AGBL4: variants seen among roughly 807,000 people sequenced by gnomAD.
AGBL4 encodes the protein cytosolic carboxypeptidase 6.
AGBL4 carries 58 observed loss-of-function variants against 66.4 expected under a neutral mutation model. That is an observed-to-expected ratio of 0.87 (90% CI 0.71 to 1.09). The LOEUF is 1.09. Ranked by LOEUF, AGBL4 falls within the 50% of genes least tolerant of loss-of-function variation. The probability of loss-of-function intolerance (pLI) is 0.00; values close to 1 mark genes in which losing one functional copy is unlikely to be tolerated. For synonymous variants in AGBL4, 234 were observed against 222.9 expected, an observed-to-expected ratio of 1.05 and a Z score of -0.44; for missense variants, 579 against 631.0, an observed-to-expected ratio of 0.92 and a Z score of 0.88.
intron 3 of AGBL4, among the ~76,000 whole-genome samples, chr1:49,507,704 G>A (rs1249756325): frequency 6.6e-6 from 1 of 151,838 alleles, no homozygotes; most frequent in African/African-American, 2.4e-5. Context: ...CTTAAAAGGA[G>A]TGTCTTATTA....
intron 11 of AGBL4, among the ~76,000 whole-genome samples, chr1:48,578,127 A>G (rs755576574): frequency 1.3e-5 from 2 of 152,182 alleles, no homozygotes; most frequent in Non-Finnish European, 2.9e-5. Context: ...AAACTTAAAG[A>G]TCACATCATT....
At chr1:48,989,869 T>A (rs1009701994) in intron 5 of AGBL4, among the ~76,000 whole-genome samples, 4 of 152,238 alleles carry the variant, frequency 2.6e-5, no homozygotes, top group African/African-American at 9.6e-5. Context: ...GTCTTCGATA[T>A]ACTGATTTCC....
At chr1:49,693,218 T>C (rs955368418) in intron 3 of AGBL4, among the ~76,000 whole-genome samples, 1 of 152,192 alleles carries the variant, frequency 6.6e-6, no homozygotes, top group African/African-American at 2.4e-5. Context: ...TTTAGATATA[T>C]GTGTAAAGAG....
intron 3 of AGBL4, among the ~76,000 whole-genome samples, chr1:49,466,204 T>A (rs1489245735): frequency 1.3e-5 from 2 of 151,922 alleles, no homozygotes; most frequent in Non-Finnish European, 2.9e-5. Flanking sequence ...ATTCAGGACT[T>A]CATCCTTTCC....
intron 2 of AGBL4, among the ~76,000 whole-genome samples, chr1:49,811,507 A>G (rs2147971155): frequency 6.6e-6 from 1 of 152,292 alleles, no homozygotes; most frequent in African/African-American, 2.4e-5. Context: ...TAGAAGACAA[A>G]TTCCCTAAGG....
intron 2 of AGBL4, among the ~76,000 whole-genome samples, chr1:49,770,468 T>C (rs1644023707): frequency 6.6e-6 from 1 of 152,176 alleles, no homozygotes; most frequent in Non-Finnish European, 1.5e-5. Flanking sequence ...ATCAGGAGTA[T>C]TGGCTTGTAG....
intron 1 of AGBL4, among the ~76,000 whole-genome samples, chr1:49,885,360 T>C (rs941048638): frequency 2.0e-5 from 3 of 152,018 alleles, no homozygotes; most frequent in Non-Finnish European, 4.4e-5. Flanking sequence ...AGATAATCTA[T>C]ATGTTTGGAA....
At chr1:49,877,903 T>G (rs1416303462) in intron 1 of AGBL4, among the ~76,000 whole-genome samples, 20 of 152,174 alleles carry the variant, frequency 1.3e-4, no homozygotes, top group Non-Finnish European at 2.4e-4. Context: ...TGTATGTGTC[T>G]ACGAATGTAT....
chr1:49,822,143 T>C (rs902598110), intron 2 of AGBL4, among the ~76,000 whole-genome samples: 2 of 151,916 alleles, frequency 1.3e-5, no homozygotes, highest in Non-Finnish European at 2.9e-5. Context: ...AGAAAAAAAA[T>C]TGGGGGGGTT....
chr1:49,263,083 C>G, intron 3 of AGBL4, among the ~76,000 whole-genome samples: 1 of 151,354 alleles, frequency 6.6e-6, no homozygotes, highest in Non-Finnish European at 1.5e-5. Context: ...CATGTTCTCA[C>G]TCATAGATGG....
At chr1:48,687,710 G>A (rs976705170) in intron 6 of AGBL4, among the ~76,000 whole-genome samples, 5 of 152,174 alleles carry the variant, frequency 3.3e-5, no homozygotes, top group South Asian at 2.1e-4. Context: ...AGGGGCATTC[G>A]TGTGATCTGC....
At chr1:49,853,388 G>C (rs981487067) in intron 1 of AGBL4, among the ~76,000 whole-genome samples, 3 of 152,044 alleles carry the variant, frequency 2.0e-5, no homozygotes, top group South Asian at 2.1e-4. Flanking sequence ...ACTTGGGACA[G>C]CTGAAAAATA....
At chr1:49,659,401 T>A (rs1181212864) in intron 3 of AGBL4, among the ~76,000 whole-genome samples, 11 of 152,152 alleles carry the variant, frequency 7.2e-5, no homozygotes, top group Admixed American at 7.2e-4. Context: ...ATTGGTGTGC[T>A]GTATGCAAGA....
intron 1 of AGBL4, among the ~76,000 whole-genome samples, chr1:49,917,278 G>GA (rs1651638090): frequency 6.6e-6 from 1 of 151,640 alleles, no homozygotes; most frequent in Admixed American, 6.6e-5. Flanking sequence ...CCACTTAAAA[G>GA]ACACAGACTG....
rs1402915991 is a variant in AGBL4, at chr1:48,534,971, A to G, written c.1365-55T>C. ...CTGCCTCTTAGGCTCTAGTAAATGG[A>G]AGTTGAAGAGGTGCTATTCATCTGT... On this transcript the variant is annotated intron_variant, in intron 12 of 13. Coordinates refer to ENST00000371839, the MANE Select transcript of AGBL4 (RefSeq NM_032785.4). The G allele has an allele frequency of 2.0e-6, 3 of 1,488,982 alleles. No individual in the cohort carries two copies. The African/African-American group carries it at 4.2e-5, about 21-fold the overall frequency. The allele number at this position is 1,488,982 out of a possible 1,614,324, so 92.2% of individuals were successfully genotyped here. A position where few individuals can be genotyped will look rare whatever the true frequency, so the allele number is the denominator to read the frequency against.
intron 3 of AGBL4, among the ~76,000 whole-genome samples, chr1:49,542,346 G>T (rs1225453960): frequency 6.6e-6 from 1 of 152,152 alleles, no homozygotes; most frequent in Non-Finnish European, 1.5e-5. Context: ...TTTATGAGCT[G>T]TAACACTCAC....
intron 3 of AGBL4, among the ~76,000 whole-genome samples, chr1:49,577,593 T>C (rs1644461812): frequency 6.6e-6 from 1 of 152,180 alleles, no homozygotes; most frequent in African/African-American, 2.4e-5. Context: ...CTGCACGCAA[T>C]GCTTCTGCCA....
chr1:48,763,518 A>AAG (rs1028055249), intron 6 of AGBL4, among the ~76,000 whole-genome samples: 21 of 151,992 alleles, frequency 1.4e-4, no homozygotes, highest in African/African-American at 3.1e-4. Flanking sequence ...AAAAGAGAGA[A>AAG]AGAGAGAGAG....
intron 11 of AGBL4, among the ~76,000 whole-genome samples, chr1:48,566,914 A>T (rs1644486663): frequency 1.3e-5 from 2 of 152,182 alleles, no homozygotes; most frequent in South Asian, 4.1e-4. Flanking sequence ...GGATCGCTTG[A>T]GGTCAGGAGT....
Sources: gnomAD v4.1 joint callset for allele counts (sites outside exome capture counted in the v4.1 genomes callset) on GRCh38, gnomAD v4.1.1 for gene constraint, MANE v1.5 for transcripts, NCBI Gene and HGNC (gene_info 2026-07-23, HGNC 2026-07-21) for gene names.